TRIM5: variants seen among roughly 807,000 people sequenced by gnomAD.
TRIM5 encodes the protein tripartite motif-containing protein 5.
A neutral mutation model predicts 35.6 loss-of-function variants in TRIM5; 31 were observed. The ratio of observed to expected loss-of-function variants is 0.87; its 90% CI spans 0.65 to 1.18. The LOEUF (loss-of-function observed/expected upper bound fraction) is 1.18. TRIM5 is among the 50% of genes most tolerant of loss of function. The pLI is 0.00. For missense variants in TRIM5, 609 were observed against 591.6 expected, an observed-to-expected ratio of 1.03 and a Z score of -0.31; for synonymous variants, 243 against 215.6, an observed-to-expected ratio of 1.13 and a Z score of -1.11.
chr11:5,615,122 G>C, the TRIM5 span, among the ~76,000 whole-genome samples: 1 of 152,008 alleles, frequency 6.6e-6, no homozygotes, highest in Non-Finnish European at 1.5e-5. Context: ...AATTTTAAAT[G>C]GTCCAGATAC....
the TRIM5 span, chr11:5,642,536 G>T: frequency 5.7e-5 from 92 of 1,610,418 alleles, no homozygotes; most frequent in Non-Finnish European, 7.6e-5. Context: ...GACTGTGGAT[G>T]TGGGATTGTT....
At chr11:5,675,456 G>C (rs559282171) in intron 4 of TRIM5, among the ~76,000 whole-genome samples, 1 of 152,130 alleles carries the variant, frequency 6.6e-6, no homozygotes, top group East Asian at 1.9e-4. Flanking sequence ...GAGGGAGCAG[G>C]GAGGTAAGAC....
the TRIM5 span, among the ~76,000 whole-genome samples, chr11:5,616,092 A>G: frequency 2.0e-5 from 3 of 150,966 alleles, no homozygotes; most frequent in Non-Finnish European, 2.9e-5. Context: ...CTGGGACTAC[A>G]GGCGCCCACC....
At chr11:5,683,225 C>A (rs1230869703) in intron 1 of TRIM5, among the ~76,000 whole-genome samples, 1 of 152,198 alleles carries the variant, frequency 6.6e-6, no homozygotes. Context: ...GCGTCCCTGA[C>A]GAGCACCGCC....
chr11:5,622,783 AAG>A, the TRIM5 span, among the ~76,000 whole-genome samples: 2 of 152,218 alleles, frequency 1.3e-5, no homozygotes, highest in Non-Finnish European at 2.9e-5. Context: ...TTGTAAATGA[AAG>A]AGTATCTGAG....
At chr11:5,652,840 C>CT in the TRIM5 span, among the ~76,000 whole-genome samples, 1 of 147,778 alleles carries the variant, frequency 6.8e-6, no homozygotes, top group Admixed American at 6.7e-5. Context: ...TCTCTGATTT[C>CT]TTTTTCTTTT....
the TRIM5 span, chr11:5,632,885 G>A: frequency 1.2e-5 from 15 of 1,271,102 alleles, no homozygotes; most frequent in South Asian, 2.6e-4. Context: ...GGAGTGCAGT[G>A]GCGTGCTCTC....
the TRIM5 span, chr11:5,641,219 G>A: frequency 6.2e-7 from 1 of 1,613,760 alleles, no homozygotes; most frequent in Non-Finnish European, 8.5e-7. Context: ...AGTGGTGCTT[G>A]TGAGTTATAA....
At chr11:5,592,288 ATCAC>A in the TRIM5 span, among the ~76,000 whole-genome samples, 1 of 152,190 alleles carries the variant, frequency 6.6e-6, no homozygotes, top group African/African-American at 2.4e-5. Context: ...AATGCTACCT[ATCAC>A]TCACTGACGA....
the TRIM5 span, among the ~76,000 whole-genome samples, chr11:5,652,354 G>A: frequency 1.3e-5 from 2 of 152,152 alleles, no homozygotes; most frequent in South Asian, 4.1e-4. Context: ...ATGATATAAG[G>A]AAGGGGTCCA....
the TRIM5 span, among the ~76,000 whole-genome samples, chr11:5,644,692 G>A: frequency 1.2e-4 from 18 of 152,084 alleles, no homozygotes; most frequent in South Asian, 2.7e-3. Context: ...ACCGTGTGTC[G>A]GGGGGGTGGT....
the TRIM5 span, among the ~76,000 whole-genome samples, chr11:5,626,406 T>G: frequency 1.3e-5 from 2 of 152,216 alleles, no homozygotes; most frequent in Non-Finnish European, 2.9e-5. Context: ...AAAGACCTCA[T>G]GAAGGCCTTG....
chr11:5,640,433 C>T, the TRIM5 span, among the ~76,000 whole-genome samples: 1 of 151,934 alleles, frequency 6.6e-6, no homozygotes, highest in African/African-American at 2.4e-5. Flanking sequence ...TGGTATATTA[C>T]ATCAATTGAT....
chr11:5,669,898 C>G (rs758362996), intron 4 of TRIM5: 134 of 192,060 alleles, frequency 7.0e-4, no homozygotes, highest in Non-Finnish European at 1.2e-3. Context: ...TTGTTTGAAC[C>G]CAGGAGGCGG....
chr11:5,603,463 G>A, the TRIM5 span: 1 of 1,614,144 alleles, frequency 6.2e-7, no homozygotes, highest in Non-Finnish European at 8.5e-7. Flanking sequence ...GATTGGTCAA[G>A]AAGGGGAAAG....
the TRIM5 span, among the ~76,000 whole-genome samples, chr11:5,625,638 C>T: frequency 6.6e-6 from 1 of 152,164 alleles, no homozygotes; most frequent in African/African-American, 2.4e-5. Flanking sequence ...TAGTCCTTGG[C>T]CTCCCTGACA....
intron 1 of TRIM5, among the ~76,000 whole-genome samples, chr11:5,683,267 C>T (rs1346067970): frequency 6.6e-6 from 1 of 152,234 alleles, no homozygotes; most frequent in Non-Finnish European, 1.5e-5. Flanking sequence ...CCCATCACCA[C>T]CCAAGGGCTG....
chr11:5,610,324 G>T, the TRIM5 span: 7 of 1,599,802 alleles, frequency 4.4e-6, no homozygotes, highest in East Asian at 8.9e-5. Flanking sequence ...GGCTATAGTC[G>T]GTATTTGAGC....
At chr11:5,648,994 G>C in the TRIM5 span, among the ~76,000 whole-genome samples, 1 of 152,094 alleles carries the variant, frequency 6.6e-6, no homozygotes, top group East Asian at 1.9e-4. Context: ...ACCAGTATAG[G>C]TGTTTGCTTC....
Sources: allele counts gnomAD v4.1 joint callset (sites outside exome capture counted in the v4.1 genomes callset), GRCh38; gene constraint gnomAD v4.1.1; transcripts MANE v1.5; gene names NCBI Gene and HGNC (gene_info 2026-07-23, HGNC 2026-07-21).